The following CLEC4C variants were observed in gnomAD, a reference collection of about 807,000 sequenced individuals.
CLEC4C encodes the protein C-type lectin domain family 4 member C.
In CLEC4C, 17 loss-of-function variants were observed where a neutral mutation model predicts 27.7. That is an observed-to-expected ratio of 0.61 (90% confidence interval 0.42 to 0.92). The LOEUF (loss-of-function observed/expected upper bound fraction) is 0.92, where lower values mean the gene tolerates loss of function less well. CLEC4C is among the 40% of genes least tolerant of loss of function. CLEC4C has a pLI of 0.00. For synonymous variants in CLEC4C, 80 were observed against 80.8 expected, an observed-to-expected ratio of 0.99 and a Z score of 0.06; for missense variants, 244 against 257.3, an observed-to-expected ratio of 0.95 and a Z score of 0.35.
chr12:7,733,404 C>T (rs748213866), intron 4 of CLEC4C, among the ~76,000 whole-genome samples: 1 of 151,014 alleles, frequency 6.6e-6, no homozygotes, highest in Non-Finnish European at 1.5e-5. Flanking sequence ...ACTGGGACTA[C>T]AGGTGTATGC....
chr12:7,746,213 C>CA (rs932573091), intron 2 of CLEC4C, 118 bp downstream of exon 2: 11,229 of 413,402 alleles, frequency 0.027, 95 homozygotes, highest in African/African-American at 0.097. Flanking sequence ...GATTCCGTCT[C>CA]AAAAAAAAAA....
intron 4 of CLEC4C, among the ~76,000 whole-genome samples, chr12:7,732,518 A>AT (rs1555104255): frequency 6.9e-6 from 1 of 145,184 alleles, no homozygotes; most frequent in African/African-American, 2.6e-5. Flanking sequence ...TGCCCAGCTA[A>AT]TTTTTTTGTA....
chr12:7,737,533 T>C lies in CLEC4C; in HGVS notation c.277A>G (p.Ser93Gly). 2 of 1,613,920 alleles carry C rather than the reference T, an allele frequency of 1.2e-6. No homozygotes were observed. The highest frequency in any genetic ancestry group is 2.2e-5 in the East Asian group (1 of 44,874). ...ATCCCAGTAGAAATAAAGTAGCAACTAGACTGAAATGAAGTCCAAGGGGTT... is the reference window on the plus strand; with the variant it reads ...ATCCCAGTAGAAATAAAGTAGCAACCAGACTGAAATGAAGTCCAAGGGGTT... Reference protein sequence around the residue: ...CPTPWTSFQSSCYFISTGMQS... With the variant: ...CPTPWTSFQSGCYFISTGMQS... The change falls in exon 4 of 6, where the codon AGT becomes GGT. Residue 93 changes from serine to glycine, a missense_variant. Ser to Gly is a moderately conservative substitution (Grantham distance 56). Coordinates refer to ENST00000360345, the MANE Select transcript of CLEC4C (RefSeq NM_001371390.1).
chr12:7,743,806 G>A (rs1053618234), intron 2 of CLEC4C, among the ~76,000 whole-genome samples: 5 of 151,954 alleles, frequency 3.3e-5, no homozygotes, highest in Admixed American at 6.6e-5. Flanking sequence ...GTATTAGTCC[G>A]TTTTTGCATT....
At chr12:7,744,782 A>AT (rs1388162978) in intron 2 of CLEC4C, among the ~76,000 whole-genome samples, 3 of 151,456 alleles carry the variant, frequency 2.0e-5, no homozygotes, top group East Asian at 3.9e-4. Flanking sequence ...GCCAAGTTAT[A>AT]TTTTTTATTT....
At chr12:7,739,723 G>A (rs765500841) in intron 3 of CLEC4C, among the ~76,000 whole-genome samples, 6 of 151,476 alleles carry the variant, frequency 4.0e-5, no homozygotes, top group Non-Finnish European at 2.9e-5. Flanking sequence ...TTTGTCACCC[G>A]GGCTGGAGTG....
At chr12:7,744,325 T>C (rs939230995) in intron 2 of CLEC4C, among the ~76,000 whole-genome samples, 3 of 152,224 alleles carry the variant, frequency 2.0e-5, no homozygotes, top group African/African-American at 7.2e-5. Flanking sequence ...TGGGGTTACA[T>C]TGAAAACTGT....
intron 4 of CLEC4C, among the ~76,000 whole-genome samples, chr12:7,732,218 C>T (rs938880884): frequency 7.9e-5 from 12 of 151,756 alleles, no homozygotes; most frequent in African/African-American, 2.9e-4. Context: ...TTAGTAGAGA[C>T]GGGGTTTCAC....
At chr12:7,742,511 G>GAA (rs58893714) in intron 2 of CLEC4C, among the ~76,000 whole-genome samples, 5,129 of 118,892 alleles carry the variant, frequency 0.043, 151 homozygotes, top group Middle Eastern at 0.071. Context: ...ACTTTGTCTC[G>GAA]AAAAAAAAAA....
chr12:7,737,075 A>G (rs984959884), intron 4 of CLEC4C, among the ~76,000 whole-genome samples: 2 of 151,976 alleles, frequency 1.3e-5, no homozygotes, highest in Non-Finnish European at 2.9e-5. Context: ...TTCTAAAAAT[A>G]CAAAAATTAG....
chr12:7,739,145 C>T (rs894947271), intron 3 of CLEC4C, among the ~76,000 whole-genome samples: 3 of 151,902 alleles, frequency 2.0e-5, no homozygotes, highest in Admixed American at 6.6e-5. Flanking sequence ...TGGCATCTCG[C>T]TCTGTCGCCC....
Position 7,741,446 on chromosome 12 carries a change from G to A in CLEC4C, c.210C>T (p.Cys70=), listed in dbSNP as rs1182558595. ...EYQQYHPSLT[C]VMEGKDIEDW... Reference sequence around the variant, plus strand: ...CTTCTATGTCCTTTCCTTCCATGACGCAGGTCAGGCTTGGATGATACTGTT... The same window carrying A: ...CTTCTATGTCCTTTCCTTCCATGACACAGGTCAGGCTTGGATGATACTGTT... Residue 70 remains cysteine, a synonymous_variant, in exon 3 of 6, where the codon TGC becomes TGT. Coordinates refer to ENST00000360345, the MANE Select transcript of CLEC4C (RefSeq NM_001371390.1). The A allele has an allele frequency of 2.5e-6, 4 of 1,605,284 alleles. No individual in the cohort carries two copies. The highest frequency in any genetic ancestry group is 1.7e-5 in the Admixed American group (1 of 59,974).
chr12:7,735,545 G>A (rs1165267178), intron 4 of CLEC4C, among the ~76,000 whole-genome samples: 3 of 141,428 alleles, frequency 2.1e-5, no homozygotes, highest in Admixed American at 1.5e-4. Flanking sequence ...GGTGGCTCAC[G>A]CCTGTAATCC....
rs149512655 is a variant in CLEC4C, at chr12:7,744,748, G to A, written c.124+1583C>T. ...TCCTGCCTCAACCTCCTGAGTAGCT[G>A]GGACCACAGGCACATGCCACCATGC... On this transcript the variant is annotated intron_variant, in intron 2 of 5. Transcript: ENST00000360345. Among the ~76,000 whole-genome samples the A allele has an allele frequency of 6.1e-4, 92 of 152,006 alleles. No individual in the cohort carries two copies. In the East Asian group the frequency reaches 0.017, roughly 27 times the overall value.
chr12:7,746,825 CTTTT>C (rs1275002700), intron 1 of CLEC4C, among the ~76,000 whole-genome samples: 4 of 150,982 alleles, frequency 2.6e-5, no homozygotes, highest in African/African-American at 9.7e-5. Context: ...AGTTGTTTTT[CTTTT>C]TTTCTTTTTT....
intron 4 of CLEC4C, among the ~76,000 whole-genome samples, chr12:7,731,352 C>A (rs1391468525): frequency 6.6e-6 from 1 of 152,170 alleles, no homozygotes; most frequent in African/African-American, 2.4e-5. Context: ...TAAACTCTCC[C>A]ACCCTGAATC....
chr12:7,729,645 C>T lies in CLEC4C; in HGVS notation c.593G>A (p.Cys198Tyr), dbSNP rs764306622. The part of the protein sequence containing the change: ...SEEWGWNDIH[C>Y]HVPQKSICKM... Reference sequence around the variant, plus strand: ...GCAAATTGACTTCTGAGGTACATGACAGTGAATGTCATTCCAGCCCCATTC... The same window carrying T: ...GCAAATTGACTTCTGAGGTACATGATAGTGAATGTCATTCCAGCCCCATTC... Residue 198 changes from cysteine to tyrosine, a missense_variant, in exon 6 of 6, where the codon TGT becomes TAT. By Grantham distance (194) the Cys-to-Tyr change is radical. Transcript: ENST00000360345. 1 of 1,613,824 alleles carries T rather than the reference C, an allele frequency of 6.2e-7. No individual in the cohort carries two copies. The highest frequency in any genetic ancestry group is 8.5e-7 in the Non-Finnish European group (1 of 1,179,776).
chr12:7,732,310 G>T (rs1027022673), intron 4 of CLEC4C, among the ~76,000 whole-genome samples: 8 of 151,666 alleles, frequency 5.3e-5, no homozygotes, highest in African/African-American at 1.9e-4. Context: ...GATTACAGGC[G>T]TGAGCCATGA....
chr12:7,743,723 C>T (rs1203928461), intron 2 of CLEC4C, among the ~76,000 whole-genome samples: 1 of 152,124 alleles, frequency 6.6e-6, no homozygotes, highest in Non-Finnish European at 1.5e-5. Flanking sequence ...TCAAACTCTT[C>T]TATTTTCTCT....
Sources: gnomAD v4.1 joint callset for allele counts (sites outside exome capture counted in the v4.1 genomes callset) on GRCh38, gnomAD v4.1.1 for gene constraint, MANE v1.5 for transcripts, NCBI Gene and HGNC (gene_info 2026-07-23, HGNC 2026-07-21) for gene names.